Variants in LPIN2 observed in about 807,000 individuals in gnomAD.
The protein encoded by LPIN2 is lipin 2, also known as phosphatidate phosphatase LPIN2.
A neutral mutation model predicts 111.4 loss-of-function variants in LPIN2; 55 were observed. That is an observed-to-expected ratio of 0.49 (90% CI 0.40 to 0.62). The LOEUF is 0.62. Ranked by LOEUF, LPIN2 falls within the 20% of genes least tolerant of loss-of-function variation. LPIN2 has a pLI of 0.00. For missense variants in LPIN2, 992 were observed against 1,112.1 expected (o/e 0.89, Z 1.54); for synonymous variants, 425 against 414.0 (o/e 1.03, Z -0.32).
intron 6 of LPIN2, among the ~76,000 whole-genome samples, chr18:2,938,829 G>GC (rs2077328389): frequency 2.6e-5 from 4 of 151,970 alleles, no homozygotes; most frequent in Non-Finnish European, 4.4e-5. Flanking sequence ...ATTATGAGCT[G>GC]GAAAAAAAGG....
chr18:2,920,442 G>A lies in LPIN2; in HGVS notation c.2547-5C>T. 1 of 1,613,566 alleles carries A rather than the reference G, an allele frequency of 6.2e-7. No individual in the cohort carries two copies. The highest frequency in any genetic ancestry group is 1.1e-5 in the South Asian group (1 of 91,082). ...AGCTCACTCAGCCTGTGATACCTAA[G>A]AGAAAGGTTGGGGAAGAGGCACAGG... On this transcript the variant is annotated splice_region_variant and splice_polypyrimidine_tract_variant and intron_variant, in intron 19 of 19. Coordinates refer to ENST00000677752, the MANE Select transcript of LPIN2 (RefSeq NM_001375808.2).
Position 2,923,846 on chromosome 18 carries a change from T to C in LPIN2, c.2103A>G (p.Gly701=), listed in dbSNP as rs764627635. The stretch of plus-strand genomic sequence containing the variant: ...CTTTGCCCAGCTGTGGGAGAATCTG[T>C]CCCAAAGCATCCGACCTAAGAAGAC... The part of the protein sequence containing the change: ...DGTITKSDAL[G]QILPQLGKDW... The change falls in exon 16 of 20, where the codon GGA becomes GGG. Residue 701 remains glycine, a synonymous_variant. Coordinates refer to ENST00000677752, the MANE Select transcript of LPIN2 (RefSeq NM_001375808.2). 2.5e-6 allele frequency: 4 copies of C among 1,614,112 alleles called. No individual in the cohort carries two copies. Among genetic ancestry groups the C allele is most frequent in the Non-Finnish European group, 3.4e-6 (4 of 1,179,974 alleles).
chr18:2,925,364 C>T lies in LPIN2; in HGVS notation c.1798G>A (p.Ala600Thr), dbSNP rs1238471420. 2 of 1,613,952 alleles carry T rather than the reference C, an allele frequency of 1.2e-6. No individual in the cohort carries two copies. The highest frequency in any genetic ancestry group is 1.3e-5 in the African/African-American group (1 of 74,894). Residue 600 changes from alanine to threonine, a missense_variant, in exon 14 of 20, where the codon GCC (alanine) becomes ACC (threonine). Physicochemically the swap from Ala to Thr is moderately conservative, Grantham distance 58. Coordinates refer to ENST00000677752, the MANE Select transcript of LPIN2 (RefSeq NM_001375808.2). This position sits in a 1 kb window ranked among gnomAD's most constrained non-coding sequence, Gnocchi z 4.1. ...SSKEPAGARP[A>T]ENDSSSDEGS... ...TCGTCACTCGAGGAGTCATTCTCGG[C>T]CGGCCTGTTCAACATTAGCCCAGTT...
intron 4 of LPIN2, among the ~76,000 whole-genome samples, chr18:2,947,499 G>T (rs1598554901): frequency 6.6e-6 from 1 of 152,146 alleles, no homozygotes; most frequent in Non-Finnish European, 1.5e-5. Flanking sequence ...AAAGCTCTCC[G>T]ATTTCCAGAA....
intron 1 of LPIN2, among the ~76,000 whole-genome samples, chr18:2,994,641 G>GT (rs1396149022): frequency 6.6e-6 from 1 of 152,148 alleles, no homozygotes; most frequent in African/African-American, 2.4e-5. Context: ...TTAGATACAG[G>GT]TTTTCTCAGC....
chr18:2,992,248 G>T (rs183568775), intron 1 of LPIN2, among the ~76,000 whole-genome samples: 1 of 152,260 alleles, frequency 6.6e-6, no homozygotes, highest in Admixed American at 6.5e-5. Flanking sequence ...GAAAACAAGT[G>T]AAGTTCTGAT....
chr18:2,927,683 C>A (rs2077154582), intron 12 of LPIN2, 39 bp downstream of exon 12: 2 of 1,600,224 alleles, frequency 1.2e-6, no homozygotes, highest in East Asian at 2.2e-5. Context: ...AGATTCATTT[C>A]TTTCAGCCCA....
chr18:2,937,443 G>A (rs564491646), intron 7 of LPIN2, among the ~76,000 whole-genome samples: 18 of 151,006 alleles, frequency 1.2e-4, no homozygotes, highest in African/African-American at 4.1e-4. Flanking sequence ...TACTCAGAAG[G>A]CTGAGGCAGG....
chr18:2,942,474 C>T (rs577029410), intron 4 of LPIN2, among the ~76,000 whole-genome samples: 2 of 152,166 alleles, frequency 1.3e-5, no homozygotes, highest in African/African-American at 4.8e-5. Context: ...AAATTTCTAA[C>T]CGGAATTTTT....
chr18:3,009,031 C>T (rs970958058), intron 1 of LPIN2, among the ~76,000 whole-genome samples: 3 of 152,048 alleles, frequency 2.0e-5, no homozygotes, highest in Admixed American at 6.6e-5. Flanking sequence ...CTTTAGGAGG[C>T]GAAAGCAGGA....
At chr18:2,935,813 G>C (rs1159187701) in intron 7 of LPIN2, among the ~76,000 whole-genome samples, 2 of 152,064 alleles carry the variant, frequency 1.3e-5, no homozygotes, top group African/African-American at 4.8e-5. Context: ...GGGAGAGAGG[G>C]GTTGAGGAGA....
At chr18:2,995,255 G>A (rs2143443765) in intron 1 of LPIN2, among the ~76,000 whole-genome samples, 1 of 152,312 alleles carries the variant, frequency 6.6e-6, no homozygotes, top group South Asian at 2.1e-4. Context: ...TAGCCATCAA[G>A]GAGCTATTTA....
At chr18:2,955,632 T>G (rs374369389) in intron 2 of LPIN2, among the ~76,000 whole-genome samples, 2 of 152,236 alleles carry the variant, frequency 1.3e-5, no homozygotes, top group East Asian at 3.9e-4. Flanking sequence ...CTCCTATGTA[T>G]GGGCCGGGTG....
chr18:2,989,136 T>C (rs1403592272), intron 1 of LPIN2, among the ~76,000 whole-genome samples: 1 of 152,168 alleles, frequency 6.6e-6, no homozygotes, highest in Non-Finnish European at 1.5e-5. Flanking sequence ...TCCCTATATT[T>C]TACAGATGAA....
At chr18:3,006,987 G>A (rs1454587390) in intron 1 of LPIN2, among the ~76,000 whole-genome samples, 1 of 148,224 alleles carries the variant, frequency 6.7e-6, no homozygotes, top group Non-Finnish European at 1.5e-5. Context: ...GTGACAAAGT[G>A]AGACCTTGTC....
At chr18:2,970,138 G>A (rs1259851175) in intron 1 of LPIN2, among the ~76,000 whole-genome samples, 1 of 152,156 alleles carries the variant, frequency 6.6e-6, no homozygotes, top group Non-Finnish European at 1.5e-5. Flanking sequence ...CAACCTTTGG[G>A]ATACGTAAGA....
intron 19 of LPIN2, 102 bp from the exon 20 acceptor site, chr18:2,920,539 GC>G (rs750616318): frequency 8.2e-6 from 11 of 1,336,930 alleles, no homozygotes; most frequent in Non-Finnish European, 1.2e-5. Flanking sequence ...GCTCAGGTGG[GC>G]AGGTTCAGAG....
rs55844718 is a variant in LPIN2, at chr18:2,956,311, G to GGTGTGTGTGTGTGTGTGTGTGTGTGT, written c.193-1738_193-1713dup. ...CATGATTTTCATATATAGATGCAGG[G>GGTGTGTGTGTGTGTGTGTGTGTGTGT]GTGTGTGTGTGTGTGTGTGTGTGTG... On this transcript the variant is annotated intron_variant, in intron 2 of 19. Transcript: ENST00000677752. 9.1e-3 allele frequency among the ~76,000 whole-genome samples: 1,311 copies of GGTGTGTGTGTGTGTGTGTGTGTGTGT among 143,932 alleles called. 53 individuals carry two copies. Among genetic ancestry groups the GGTGTGTGTGTGTGTGTGTGTGTGTGT allele is most frequent in the African/African-American group, 0.016 (606 of 36,882 alleles). 94.4% of individuals were successfully genotyped at this position (143,932 alleles called of 152,430 possible).
At chr18:2,924,765 C>T (rs568608084) in intron 14 of LPIN2, among the ~76,000 whole-genome samples, 1 of 152,256 alleles carries the variant, frequency 6.6e-6, no homozygotes, top group African/African-American at 2.4e-5. Flanking sequence ...TCTGAACACC[C>T]ACAAAGCAAA....
Sources: allele counts gnomAD v4.1 joint callset (sites outside exome capture counted in the v4.1 genomes callset), GRCh38; gene constraint gnomAD v4.1.1; non-coding constraint Gnocchi (gnomAD v3.1); transcripts MANE v1.5; gene names NCBI Gene and HGNC (gene_info 2026-07-23, HGNC 2026-07-21).